Variants in ZNF710 observed in about 807,000 individuals in gnomAD.
ZNF710 encodes zinc finger protein 710.
A neutral mutation model predicts 50.6 loss-of-function variants in ZNF710; 13 were observed. The ratio of observed to expected loss-of-function variants is 0.26; its 90% confidence interval spans 0.17 to 0.41. The LOEUF is 0.41. ZNF710 is among the 10% of genes least tolerant of loss of function. The pLI is 1.00. For missense variants in ZNF710, 721 were observed against 936.6 expected, an observed-to-expected ratio of 0.77 and a Z score of 3.01; for synonymous variants, 383 against 397.0, an observed-to-expected ratio of 0.96 and a Z score of 0.42.
chr15:90,031,120 A>G (rs1898936583), intron 1 of ZNF710, among the ~76,000 whole-genome samples: 1 of 152,120 alleles, frequency 6.6e-6, no homozygotes, highest in Admixed American at 6.5e-5. Context: ...TTAAAGAAAC[A>G]TTTGAATTGG....
rs1276772111 is a variant in ZNF710, at chr15:90,067,749, G to A, written c.612G>A (p.Met204Ile). The A allele has an allele frequency of 1.3e-6, 2 of 1,594,130 alleles. No individual in the cohort carries two copies. The highest frequency in any genetic ancestry group is 1.7e-6 in the Non-Finnish European group (2 of 1,171,172). Residue 204 changes from methionine (M) to isoleucine (I), a missense_variant, in exon 2 of 5, where the codon ATG becomes ATA. This residue lies in a region of ZNF710 where 326 missense variants were observed against 347.1 expected (regional missense o/e 0.94). Transcript: ENST00000268154. The surrounding 1 kb of genome is among the most constrained non-coding windows in gnomAD (Gnocchi z 8.1). ...PARDGFPEPSMALPGPEALPT... is the reference protein window; with the variant it reads ...PARDGFPEPSIALPGPEALPT... ...GGGATGGCTTCCCCGAGCCCAGCAT[G>A]GCGCTGCCTGGGCCAGAGGCCTTGC... is the stretch of plus-strand genomic sequence containing the variant.
chr15:90,030,537 T>C (rs1250585046), intron 1 of ZNF710, among the ~76,000 whole-genome samples: 1 of 151,992 alleles, frequency 6.6e-6, no homozygotes, highest in Non-Finnish European at 1.5e-5. Context: ...ATGCTTATCA[T>C]GTGCCAGGCC....
At position 90,034,328 on chromosome 15, in the gene ZNF710, G is replaced by C. The variant is rs1899043455; in HGVS notation, c.-29+32714G>C. 6.6e-6 allele frequency among the ~76,000 whole-genome samples: 1 copy of C among 152,144 alleles called. No individual in the cohort carries two copies. Among genetic ancestry groups the C allele is most frequent in the Admixed American group, 6.6e-5 (1 of 15,264 alleles). On this transcript the variant is annotated intron_variant, in intron 1 of 4. Transcript: ENST00000268154. This position sits in a 1 kb window ranked among gnomAD's most constrained non-coding sequence, Gnocchi z 4.0. ...CTACACATGGTCTGCACTCAGGAAA[G>C]GGAGGAATTCTTTGTGCTGTTTTGT...
In ZNF710 at chr15:90,068,265, C is replaced by G; in HGVS notation, c.1128C>G (p.Val376=). 6.2e-7 allele frequency: 1 copy of G among 1,613,240 alleles called. No individual in the cohort carries two copies. Among genetic ancestry groups the G allele is most frequent in the Non-Finnish European group, 8.5e-7 (1 of 1,180,004 alleles). The change falls in exon 2 of 5, where the codon GTC becomes GTG. Residue 376 remains valine, a synonymous_variant. Coordinates refer to ENST00000268154, the MANE Select transcript of ZNF710 (RefSeq NM_198526.4). The surrounding 1 kb of genome is among the most constrained non-coding windows in gnomAD (Gnocchi z 5.0). ...GCCACATGCTGCTGCACTCGGAGGT[C>G]AAGCCCTACAGCTGCCACTTCTGCG... is the stretch of plus-strand genomic sequence containing the variant. ...LKRHMLLHSE[V]KPYSCHFCGR... is the part of the protein sequence containing the mutation.
chr15:90,007,239 G>A (rs1217102832), intron 1 of ZNF710, among the ~76,000 whole-genome samples: 2 of 152,166 alleles, frequency 1.3e-5, no homozygotes, highest in East Asian at 1.9e-4. Context: ...AAGGTGTAAC[G>A]TTTCTGCCAA....
intron 1 of ZNF710, among the ~76,000 whole-genome samples, chr15:90,015,460 A>G (rs1212663117): frequency 6.6e-6 from 1 of 152,228 alleles, no homozygotes; most frequent in African/African-American, 2.4e-5. Context: ...TAAATTGTAC[A>G]TGTGTGAAAT....
intron 1 of ZNF710, among the ~76,000 whole-genome samples, chr15:90,024,760 G>C (rs991826625): frequency 3.9e-5 from 6 of 152,310 alleles, no homozygotes; most frequent in Middle Eastern, 3.4e-3. Flanking sequence ...GCTAGATCAG[G>C]CTGCTACATC....
intron 1 of ZNF710, among the ~76,000 whole-genome samples, chr15:90,053,104 G>T (rs1351816901): frequency 6.6e-6 from 1 of 152,218 alleles, no homozygotes; most frequent in African/African-American, 2.4e-5. Context: ...ACACATGGGT[G>T]GGAAAGCCCA....
intron 4 of ZNF710, chr15:90,075,006 C>T (rs545745303): frequency 6.0e-6 from 1 of 165,784 alleles, no homozygotes; most frequent in Admixed American, 5.9e-5. Flanking sequence ...TCCTATGCCT[C>T]AGCAGTTCGT....
At chr15:90,052,380 T>A (rs1367012132) in intron 1 of ZNF710, among the ~76,000 whole-genome samples, 1 of 152,164 alleles carries the variant, frequency 6.6e-6, no homozygotes. Flanking sequence ...CATTCCCAGA[T>A]CTTTGTTTCT....
chr15:90,034,423 A>G lies in ZNF710; in HGVS notation c.-28-32687A>G, dbSNP rs8036298. Reference sequence around the variant, plus strand: ...TTGCCAGCTGTCCTTCCTGTTTCCAAATTCCTGTGTGTGTGTGTGTGTGTG... The same window carrying G: ...TTGCCAGCTGTCCTTCCTGTTTCCAGATTCCTGTGTGTGTGTGTGTGTGTG... On this transcript the variant is annotated intron_variant, in intron 1 of 4. Transcript: ENST00000268154. The surrounding 1 kb of genome is among the most constrained non-coding windows in gnomAD (Gnocchi z 4.0). Among the ~76,000 whole-genome samples, 17,551 of 138,280 alleles carry G rather than the reference A, an allele frequency of 0.13. 3,397 individuals carry two copies. Among genetic ancestry groups the G allele is most frequent in the African/African-American group, 0.42 (16,431 of 38,908 alleles). 90.7% of individuals were successfully genotyped at this position (138,280 alleles called of 152,430 possible).
chr15:90,060,666 C>A (rs925410835), intron 1 of ZNF710, among the ~76,000 whole-genome samples: 1 of 152,090 alleles, frequency 6.6e-6, no homozygotes, highest in Admixed American at 6.5e-5. Context: ...CCAGCCTGGC[C>A]AACATGGTGA....
intron 4 of ZNF710, among the ~76,000 whole-genome samples, chr15:90,078,875 G>C (rs922924213): frequency 6.6e-6 from 1 of 152,186 alleles, no homozygotes; most frequent in African/African-American, 2.4e-5. Flanking sequence ...GCCCCTGCCA[G>C]CCTCCCAGTT....
chr15:89,998,604 G>C (rs1485974648), upstream of ZNF710, among the ~76,000 whole-genome samples: 1 of 152,184 alleles, frequency 6.6e-6, no homozygotes, highest in Non-Finnish European at 1.5e-5. Context: ...CTTATTTCCA[G>C]GTCATCGGGG....
intron 2 of ZNF710, among the ~76,000 whole-genome samples, chr15:90,072,790 C>T (rs1413601085): frequency 6.6e-6 from 1 of 152,170 alleles, no homozygotes; most frequent in African/African-American, 2.4e-5. Context: ...ATGTACACAT[C>T]CACCCTGGGG....
upstream of ZNF710, among the ~76,000 whole-genome samples, chr15:90,000,607 A>G (rs559723049): frequency 4.6e-5 from 7 of 152,204 alleles, no homozygotes; most frequent in Non-Finnish European, 1.0e-4. Context: ...CAGGCCGTCC[A>G]GGGCTCTGCT....
chr15:90,063,956 A>G (rs2151522447), intron 1 of ZNF710, among the ~76,000 whole-genome samples: 2 of 152,256 alleles, frequency 1.3e-5, no homozygotes, highest in East Asian at 3.9e-4. Flanking sequence ...GATGAGAATC[A>G]CCTGATGTCA....
At chr15:90,026,079 G>A (rs1254435533) in intron 1 of ZNF710, 2 of 151,466 alleles carry the variant, frequency 1.3e-5, no homozygotes, top group Non-Finnish European at 2.9e-5. Flanking sequence ...GAAAATGAGA[G>A]GGGAAAAAAA....
At chr15:90,026,365 C>A (rs923037887) in intron 1 of ZNF710, among the ~76,000 whole-genome samples, 1 of 151,096 alleles carries the variant, frequency 6.6e-6, no homozygotes, top group Non-Finnish European at 1.5e-5. Context: ...GGCATAATTT[C>A]AAAATCTCAA....
Sources: gnomAD v4.1 joint callset for allele counts (sites outside exome capture counted in the v4.1 genomes callset) on GRCh38, gnomAD v4.1.1 for gene constraint, gnomAD v4.1.1 regional missense constraint, Gnocchi (gnomAD v3.1) non-coding constraint, MANE v1.5 for transcripts, NCBI Gene and HGNC (gene_info 2026-07-23, HGNC 2026-07-21) for gene names.